Variants in MGAT4C observed in about 807,000 individuals in gnomAD.
MGAT4C encodes the protein MGAT4 family member C.
Under a neutral mutation model 40.1 loss-of-function variants are expected in MGAT4C, and 19 were observed. The observed-to-expected ratio is 0.47, with a 90% CI of 0.33 to 0.70. The LOEUF is 0.70. Ranked by LOEUF, MGAT4C falls within the 30% of genes least tolerant of loss-of-function variation. The probability of loss-of-function intolerance (pLI) is 0.02; values close to 1 mark genes in which losing one functional copy is unlikely to be tolerated. For missense variants in MGAT4C, 491 were observed against 563.2 expected, an observed-to-expected ratio of 0.87 and a Z score of 1.30; for synonymous variants, 181 against 187.1, an observed-to-expected ratio of 0.97 and a Z score of 0.27.
chr12:86,198,758 G>T lies in MGAT4C; in HGVS notation c.-57+57481C>A, dbSNP rs1378544637. Among the ~76,000 whole-genome samples, 6 of 152,006 alleles carry T rather than the reference G, an allele frequency of 3.9e-5. No homozygotes were observed. The South Asian group carries it at 8.3e-4, about 21-fold the overall frequency. On this transcript the variant is annotated intron_variant, in intron 1 of 4. Transcript: ENST00000611864. The stretch of plus-strand genomic sequence containing the variant: ...TTTAATTCCATCTCTTTTTTTCCCT[G>T]TAATGCTCAAAATGCCAATACATCT...
intron 1 of MGAT4C, among the ~76,000 whole-genome samples, chr12:86,109,588 G>A (rs1876851224): frequency 6.6e-6 from 1 of 151,736 alleles, no homozygotes; most frequent in Admixed American, 6.6e-5. Context: ...CTATTATTCT[G>A]ATTCATTCAT....
chr12:86,694,106 T>C (rs1301636555), intron 2 of MGAT4C, among the ~76,000 whole-genome samples: 2 of 152,194 alleles, frequency 1.3e-5, no homozygotes, highest in Non-Finnish European at 2.9e-5. Flanking sequence ...TTATGATAAA[T>C]TTCCAAATAC....
intron 1 of MGAT4C, among the ~76,000 whole-genome samples, chr12:86,823,747 A>G (rs1352839680): frequency 1.3e-5 from 2 of 151,488 alleles, no homozygotes; most frequent in Admixed American, 6.6e-5. Flanking sequence ...AAAATAAAAT[A>G]CAGGTGAAAG....
chr12:86,340,321 A>G (rs1954881603), intron 3 of MGAT4C, among the ~76,000 whole-genome samples: 1 of 152,190 alleles, frequency 6.6e-6, no homozygotes, highest in African/African-American at 2.4e-5. Flanking sequence ...GAAAAATAAA[A>G]TAACCAGGGA....
At chr12:86,598,835 T>C (rs1422484998) in intron 2 of MGAT4C, among the ~76,000 whole-genome samples, 2 of 152,172 alleles carry the variant, frequency 1.3e-5, no homozygotes, top group East Asian at 3.8e-4. Context: ...CTTACTTCTT[T>C]TGCTTTATTT....
intron 1 of MGAT4C, among the ~76,000 whole-genome samples, chr12:86,826,977 T>C (rs1952820855): frequency 6.6e-6 from 1 of 151,468 alleles, no homozygotes; most frequent in African/African-American, 2.4e-5. Flanking sequence ...CCCTTATACT[T>C]CTAACATAAC....
At chr12:86,480,037 G>T (rs909937769) in intron 2 of MGAT4C, among the ~76,000 whole-genome samples, 6 of 151,644 alleles carry the variant, frequency 4.0e-5, no homozygotes, top group African/African-American at 1.5e-4. Flanking sequence ...TTGTTCATTA[G>T]GTAAGCATAT....
chr12:86,173,750 A>G (rs1887093765), intron 1 of MGAT4C, among the ~76,000 whole-genome samples: 1 of 152,016 alleles, frequency 6.6e-6, no homozygotes, highest in South Asian at 2.1e-4. Context: ...ATTTTTTGTA[A>G]ATATAGTTTT....
intron 1 of MGAT4C, among the ~76,000 whole-genome samples, chr12:86,168,710 A>G (rs893029851): frequency 3.3e-5 from 5 of 152,156 alleles, no homozygotes; most frequent in Admixed American, 6.5e-5. Context: ...TTGTACTGTG[A>G]TTATGTGTTT....
At chr12:86,570,863 G>C (rs1489753058) in intron 2 of MGAT4C, among the ~76,000 whole-genome samples, 2 of 151,964 alleles carry the variant, frequency 1.3e-5, no homozygotes, top group Non-Finnish European at 2.9e-5. Flanking sequence ...ATCCAGGCTG[G>C]AATGCAGTGG....
intron 2 of MGAT4C, among the ~76,000 whole-genome samples, chr12:86,498,897 C>T (rs1349940817): frequency 6.6e-6 from 1 of 151,764 alleles, no homozygotes; most frequent in African/African-American, 2.4e-5. Context: ...GGAAGTACTG[C>T]CAAGAAGAGA....
chr12:86,473,480 C>T (rs1471083574), intron 2 of MGAT4C, among the ~76,000 whole-genome samples: 2 of 152,050 alleles, frequency 1.3e-5, no homozygotes, highest in East Asian at 1.9e-4. Flanking sequence ...TACTCATTAC[C>T]AGAGATTGAT....
At chr12:86,654,890 T>C (rs1963804371) in intron 2 of MGAT4C, among the ~76,000 whole-genome samples, 1 of 152,048 alleles carries the variant, frequency 6.6e-6, no homozygotes, top group Non-Finnish European at 1.5e-5. Flanking sequence ...TAGAACTTTT[T>C]GTGGAAGGAA....
chr12:86,539,252 C>T (rs1959131909), intron 2 of MGAT4C, among the ~76,000 whole-genome samples: 1 of 151,160 alleles, frequency 6.6e-6, no homozygotes, highest in African/African-American at 2.4e-5. Flanking sequence ...TCAATTCCCA[C>T]CTATGAATGA....
intron 2 of MGAT4C, among the ~76,000 whole-genome samples, chr12:86,584,413 A>G (rs1032328428): frequency 1.3e-5 from 2 of 151,092 alleles, no homozygotes; most frequent in African/African-American, 2.4e-5. Context: ...AGTTAATTAC[A>G]AGTTTTCCTA....
intron 2 of MGAT4C, among the ~76,000 whole-genome samples, chr12:86,624,357 T>A (rs1235222818): frequency 6.6e-6 from 1 of 152,122 alleles, no homozygotes; most frequent in Non-Finnish European, 1.5e-5. Flanking sequence ...CCTGAGGTTT[T>A]TCACAAGCAG....
chr12:86,771,204 T>A (rs545568074), intron 1 of MGAT4C, among the ~76,000 whole-genome samples: 12 of 152,240 alleles, frequency 7.9e-5, no homozygotes, highest in South Asian at 2.1e-4. Context: ...ACCACCATGA[T>A]CTCAGACTCC....
At chr12:86,635,948 C>G (rs1963207362) in intron 2 of MGAT4C, among the ~76,000 whole-genome samples, 1 of 151,834 alleles carries the variant, frequency 6.6e-6, no homozygotes, top group Non-Finnish European at 1.5e-5. Flanking sequence ...TCCCAGTGTG[C>G]TGAGATTACA....
intron 3 of MGAT4C, among the ~76,000 whole-genome samples, chr12:86,352,807 A>C (rs529968454): frequency 3.3e-5 from 5 of 151,368 alleles, no homozygotes; most frequent in Admixed American, 2.6e-4. Context: ...CATAGGTGGG[A>C]ATTGAACAAT....
Sources: allele counts gnomAD v4.1 joint callset (sites outside exome capture counted in the v4.1 genomes callset), GRCh38; gene constraint gnomAD v4.1.1; transcripts MANE v1.5; gene names NCBI Gene and HGNC (gene_info 2026-07-23, HGNC 2026-07-21).